RPTOR: variants seen among roughly 807,000 people sequenced by gnomAD.
The protein encoded by RPTOR is regulatory associated protein of MTOR complex 1, also known as regulatory-associated protein of mTOR.
Under a neutral mutation model 169.9 loss-of-function variants are expected in RPTOR, and 21 were observed. That is an observed-to-expected ratio of 0.12 (90% CI 0.09 to 0.18). The LOEUF (loss-of-function observed/expected upper bound fraction) is 0.18, where lower values mean the gene tolerates loss of function less well. RPTOR is among the 10% of genes least tolerant of loss of function. The pLI is 1.00. For missense variants in RPTOR, 1,133 were observed against 1,855.9 expected, an observed-to-expected ratio of 0.61 and a Z score of 7.16; for synonymous variants, 732 against 753.2, an observed-to-expected ratio of 0.97 and a Z score of 0.46.
At chr17:80,915,474 G>A (rs34921122) in intron 21 of RPTOR, among the ~76,000 whole-genome samples, 16,462 of 90,012 alleles carry the variant, frequency 0.18, 318 homozygotes, top group East Asian at 0.25. Context: ...ACCAGCTGCA[G>A]AGAGGAGTTA....
chr17:80,920,993 A>G (rs34517247), intron 21 of RPTOR, among the ~76,000 whole-genome samples: 50,812 of 152,152 alleles, frequency 0.33, 8,605 homozygotes, highest in East Asian at 0.48. Context: ...TCATTTAAAA[A>G]ATAGGAACGT....
At chr17:80,895,975 A>G (rs908868970) in intron 20 of RPTOR, among the ~76,000 whole-genome samples, 1 of 152,146 alleles carries the variant, frequency 6.6e-6, no homozygotes, top group Admixed American at 6.5e-5. Flanking sequence ...AAATGCATCT[A>G]ATCTATGACT....
chr17:80,665,694 G>A (rs563973256), intron 3 of RPTOR, among the ~76,000 whole-genome samples: 30 of 151,386 alleles, frequency 2.0e-4, no homozygotes, highest in Admixed American at 9.2e-4. Context: ...ACAGGCGCCC[G>A]CCACCATGCC....
chr17:80,867,440 C>T (rs540531963), intron 13 of RPTOR, among the ~76,000 whole-genome samples: 1 of 151,928 alleles, frequency 6.6e-6, no homozygotes, highest in African/African-American at 2.4e-5. Flanking sequence ...CACAAACTTA[C>T]AGCCAACACC....
At chr17:80,907,731 C>T (rs186194735) in intron 20 of RPTOR, among the ~76,000 whole-genome samples, 28 of 152,358 alleles carry the variant, frequency 1.8e-4, no homozygotes, top group Non-Finnish European at 3.2e-4. Flanking sequence ...CAAGGCTCCG[C>T]GTCCCCATCA....
intron 2 of RPTOR, among the ~76,000 whole-genome samples, chr17:80,635,793 C>T (rs533337409): frequency 6.6e-6 from 1 of 152,144 alleles, no homozygotes; most frequent in South Asian, 2.1e-4. Context: ...CTGATTGTAG[C>T]AACCTGAAGA....
At chr17:80,940,823 G>A (rs1295946850) in intron 25 of RPTOR, among the ~76,000 whole-genome samples, 2 of 152,200 alleles carry the variant, frequency 1.3e-5, no homozygotes, top group Non-Finnish European at 2.9e-5. Context: ...CCAGAGTGGG[G>A]AGGGGAGGGG....
rs372085264 is a variant in RPTOR, at chr17:80,962,461, C to T, written c.3693C>T (p.Ser1231=). 1.2e-5 allele frequency: 20 copies of T among 1,612,572 alleles called. No individual in the cohort carries two copies. In the South Asian group the frequency reaches 1.3e-4, roughly 11 times the overall value. ...KRPDGHIVSV[S]VNGDVRIFDP... is the part of the protein sequence containing the mutation. Reference sequence around the variant, plus strand: ...TGTCACTGTGACCCTCTCTTGGCAGCGTCAATGGAGATGTGCGCATCTTTG... The same window carrying T: ...TGTCACTGTGACCCTCTCTTGGCAGTGTCAATGGAGATGTGCGCATCTTTG... The change falls in exon 32 of 34, where the codon AGC becomes AGT. Residue 1231 remains serine, a splice_region_variant and synonymous_variant. Transcript: ENST00000306801.
chr17:80,720,660 C>G (rs2066277184), intron 4 of RPTOR, among the ~76,000 whole-genome samples: 1 of 152,220 alleles, frequency 6.6e-6, no homozygotes, highest in Admixed American at 6.5e-5. Flanking sequence ...GCTGCACTGA[C>G]TTCGCGGGTG....
At position 80,925,557 on chromosome 17, in the gene RPTOR, C is replaced by G. The variant is rs987874426; in HGVS notation, c.2919+77C>G. Reference sequence around the variant, plus strand: ...TCCCACTTCTTTGAGCATAAACGCTCAAGGCTTGTGGCTGTGGGAGCGTCC... The same window carrying G: ...TCCCACTTCTTTGAGCATAAACGCTGAAGGCTTGTGGCTGTGGGAGCGTCC... On this transcript the variant is annotated intron_variant, in intron 24 of 33. Coordinates refer to ENST00000306801, the MANE Select transcript of RPTOR (RefSeq NM_020761.3). 35 of 1,205,706 alleles carry G rather than the reference C, an allele frequency of 2.9e-5. No individual in the cohort carries two copies. In the Admixed American group the frequency reaches 6.1e-4, roughly 21 times the overall value. 74.7% of individuals were successfully genotyped at this position (1,205,706 alleles called of 1,614,324 possible).
intron 6 of RPTOR, chr17:80,774,036 C>T: frequency 2.0e-6 from 2 of 985,422 alleles, no homozygotes; most frequent in South Asian, 9.4e-5. Flanking sequence ...AACCATCACT[C>T]CCTGTTTTTC....
At chr17:80,946,693 G>A (rs551195565) in intron 26 of RPTOR, among the ~76,000 whole-genome samples, 2 of 152,348 alleles carry the variant, frequency 1.3e-5, no homozygotes, top group South Asian at 4.1e-4. Context: ...TGTGTGGATG[G>A]ACCACACTTT....
chr17:80,550,933 G>C (rs1177643283), intron 1 of RPTOR, among the ~76,000 whole-genome samples: 1 of 152,120 alleles, frequency 6.6e-6, no homozygotes, highest in Admixed American at 6.6e-5. Flanking sequence ...TGTTTCTCAG[G>C]CTGGAGTGCA....
At chr17:80,731,862 A>G (rs1310209655) in intron 5 of RPTOR, among the ~76,000 whole-genome samples, 2 of 152,278 alleles carry the variant, frequency 1.3e-5, no homozygotes, top group Non-Finnish European at 1.5e-5. Flanking sequence ...AGATTTTCAC[A>G]TTAACATGTG....
chr17:80,923,551 C>T lies in RPTOR; in HGVS notation c.2686C>T (p.Pro896Ser), dbSNP rs377442287. 1 of 1,613,454 alleles carries T rather than the reference C, an allele frequency of 6.2e-7. No individual in the cohort carries two copies. The highest frequency in any genetic ancestry group is 2.2e-5 in the East Asian group (1 of 44,878). ...CCTGACCAACGATGTGGCCAAGCAG[C>T]CGGTCAGCCGAGACTTGCCTTCTGG... ...SSLTNDVAKQPVSRDLPSGRP... is the reference protein window; with the variant it reads ...SSLTNDVAKQSVSRDLPSGRP... Residue 896 changes from proline (P) to serine (S), a missense_variant, in exon 23 of 34, where the codon CCG becomes TCG. Around this residue, in one of 9 missense-constraint regions of RPTOR, gnomAD observed 123 missense variants for 129.0 expected, o/e 0.95. Transcript: ENST00000306801.
chr17:80,837,982 A>C lies in RPTOR; in HGVS notation c.1197A>C (p.Glu399Asp). The change falls in exon 10 of 34, where the codon GAA (glutamate) becomes GAC (aspartate). Residue 399 changes from glutamate to aspartate, a missense_variant. By Grantham distance (45) the Glu-to-Asp change is conservative. Transcript: ENST00000306801. ...CLSQLPTIIE[E>D]GTAFRHSPFF... is the part of the protein sequence containing the mutation. ...CTCAGCTGCCGACGATCATCGAGGA[A>C]GGCACTGCGTTTCGGGTGAGTCCCT... 6.2e-7 allele frequency: 1 copy of C among 1,610,828 alleles called. No homozygotes were observed. Among genetic ancestry groups the C allele is most frequent in the Non-Finnish European group, 8.5e-7 (1 of 1,178,546 alleles).
At chr17:80,701,011 G>C (rs1427631928) in intron 3 of RPTOR, among the ~76,000 whole-genome samples, 2 of 152,158 alleles carry the variant, frequency 1.3e-5, no homozygotes, top group Non-Finnish European at 2.9e-5. Flanking sequence ...AAGGTGTCAA[G>C]GGTGATTCTT....
At chr17:80,964,222 C>A (rs772412136) in intron 33 of RPTOR, 40 bp from the exon 34 acceptor site, 1 of 1,578,558 alleles carries the variant, frequency 6.3e-7, no homozygotes, top group Non-Finnish European at 8.6e-7. Flanking sequence ...AGTGTCTGCC[C>A]GCACCTGAAC....
chr17:80,631,342 G>A (rs1211324381), intron 2 of RPTOR, among the ~76,000 whole-genome samples: 2 of 152,094 alleles, frequency 1.3e-5, no homozygotes, highest in African/African-American at 4.8e-5. Flanking sequence ...CATGAAGTGG[G>A]GGTGCAGTGG....
Sources: allele counts gnomAD v4.1 joint callset (sites outside exome capture counted in the v4.1 genomes callset), GRCh38; gene constraint gnomAD v4.1.1; regional missense constraint gnomAD v4.1.1; transcripts MANE v1.5; gene names NCBI Gene and HGNC (gene_info 2026-07-23, HGNC 2026-07-21).